The following DLGAP2 variants were observed in gnomAD, a reference collection of about 807,000 sequenced individuals.
DLGAP2 encodes disks large-associated protein 2.
Under a neutral mutation model 100.3 loss-of-function variants are expected in DLGAP2, and 26 were observed. The observed-to-expected ratio is 0.26, with a 90% CI of 0.19 to 0.36. The LOEUF is 0.36. Among genes scored for constraint, DLGAP2 ranks in the 10% least tolerant of loss-of-function variants. The pLI is 1.00. For synonymous variants in DLGAP2, 886 were observed against 630.1 expected, an observed-to-expected ratio of 1.41 and a Z score of -6.08; for missense variants, 1,858 against 1,453.2, an observed-to-expected ratio of 1.28 and a Z score of -4.53.
At chr8:1,253,273 G>T (rs1273368729) in intron 2 of DLGAP2, among the ~76,000 whole-genome samples, 2 of 152,184 alleles carry the variant, frequency 1.3e-5, no homozygotes, top group Admixed American at 6.5e-5. Context: ...GGTGGTTCCT[G>T]TGTGTGCCCT....
intron 3 of DLGAP2, among the ~76,000 whole-genome samples, chr8:1,435,565 GAC>G (rs1797594777): frequency 6.6e-6 from 1 of 152,126 alleles, no homozygotes; most frequent in Admixed American, 6.5e-5. Flanking sequence ...TGATGGTGCT[GAC>G]AGACGACCAT....
chr8:1,636,735 A>G (rs1797776013), intron 8 of DLGAP2, among the ~76,000 whole-genome samples: 1 of 152,244 alleles, frequency 6.6e-6, no homozygotes, highest in African/African-American at 2.4e-5. Context: ...TTCTGATACC[A>G]GGACCTGGTA....
chr8:1,475,764 T>G (rs1256155922), intron 3 of DLGAP2, among the ~76,000 whole-genome samples: 1 of 152,136 alleles, frequency 6.6e-6, no homozygotes, highest in Non-Finnish European at 1.5e-5. Context: ...CAGACAGAAT[T>G]ACTGTTCACC....
chr8:1,350,428 C>A (rs1437688554), intron 3 of DLGAP2, among the ~76,000 whole-genome samples: 4 of 81,578 alleles, frequency 4.9e-5, no homozygotes, highest in Admixed American at 1.3e-4. Context: ...AAAGGCCGCG[C>A]GGGTCCTGAG....
chr8:1,509,057 G>T (rs1341420133), intron 4 of DLGAP2, among the ~76,000 whole-genome samples: 4 of 152,170 alleles, frequency 2.6e-5, no homozygotes, highest in Non-Finnish European at 5.9e-5. Flanking sequence ...ACTAGGCCGG[G>T]CACGGTGGCT....
At chr8:1,058,284 G>C (rs889760319) in intron 2 of DLGAP2, among the ~76,000 whole-genome samples, 6 of 152,166 alleles carry the variant, frequency 3.9e-5, no homozygotes, top group African/African-American at 1.2e-4. Context: ...TTTACAAATA[G>C]ATAATCACTC....
At chr8:1,491,024 T>A (rs1799364052) in intron 3 of DLGAP2, among the ~76,000 whole-genome samples, 1 of 61,594 alleles carries the variant, frequency 1.6e-5, no homozygotes, top group African/African-American at 5.3e-5. Flanking sequence ...TAAAGTATAA[T>A]AATAATAAAA....
intron 2 of DLGAP2, among the ~76,000 whole-genome samples, chr8:1,046,961 G>GT (rs1246933730): frequency 2.2e-4 from 8 of 36,000 alleles, no homozygotes; most frequent in Non-Finnish European, 7.8e-4. Context: ...TAAAATAATA[G>GT]GTTTTTTTTA....
chr8:1,386,605 C>T (rs1029741860), intron 3 of DLGAP2, among the ~76,000 whole-genome samples: 2 of 152,144 alleles, frequency 1.3e-5, no homozygotes, highest in African/African-American at 2.4e-5. Flanking sequence ...GGCTCCCCTT[C>T]GCTCTCTCAG....
At chr8:788,470 T>C (rs1048692738) in intron 1 of DLGAP2, among the ~76,000 whole-genome samples, 1 of 152,330 alleles carries the variant, frequency 6.6e-6, no homozygotes, top group Non-Finnish European at 1.5e-5. Flanking sequence ...GCCTCAGCCT[T>C]TGGGGCTTCC....
chr8:1,547,853 C>G (rs1194797891), intron 4 of DLGAP2, among the ~76,000 whole-genome samples: 1 of 152,216 alleles, frequency 6.6e-6, no homozygotes, highest in East Asian at 1.9e-4. Context: ...TCCTCCCATC[C>G]TCACTGGCCT....
intron 2 of DLGAP2, among the ~76,000 whole-genome samples, chr8:1,107,979 A>T (rs150759573): frequency 2.3e-4 from 35 of 152,316 alleles, no homozygotes; most frequent in African/African-American, 8.2e-4. Flanking sequence ...GAAGCGCCTG[A>T]AGCAAATAGA....
chr8:879,190 A>T (rs1324482340), intron 1 of DLGAP2, among the ~76,000 whole-genome samples: 1 of 152,230 alleles, frequency 6.6e-6, no homozygotes, highest in East Asian at 1.9e-4. Flanking sequence ...CAGTTTATTC[A>T]CTGTGATACA....
intron 2 of DLGAP2, among the ~76,000 whole-genome samples, chr8:1,170,028 A>G (rs1414432812): frequency 6.6e-6 from 1 of 151,700 alleles, no homozygotes; most frequent in Non-Finnish European, 1.5e-5. Flanking sequence ...TTTGTCATAG[A>G]TAGCTCTTAT....
chr8:1,296,790 T>C (rs143534185), intron 3 of DLGAP2, among the ~76,000 whole-genome samples: 50 of 152,260 alleles, frequency 3.3e-4, no homozygotes, highest in African/African-American at 8.4e-4. Flanking sequence ...GATGTGCAGA[T>C]GGTGTGGTGG....
chr8:1,366,955 C>A (rs1245121513), intron 3 of DLGAP2, among the ~76,000 whole-genome samples: 1 of 151,990 alleles, frequency 6.6e-6, no homozygotes, highest in African/African-American at 2.4e-5. Flanking sequence ...TACATGGCAA[C>A]CCCTCCAACA....
intron 2 of DLGAP2, among the ~76,000 whole-genome samples, chr8:939,862 G>T (rs1259918473): frequency 6.6e-6 from 1 of 151,504 alleles, no homozygotes; most frequent in Non-Finnish European, 1.5e-5. Flanking sequence ...AGTGGGAGGT[G>T]CAGACACAGG....
chr8:1,441,201 T>C (rs1434951642), intron 3 of DLGAP2, among the ~76,000 whole-genome samples: 2 of 152,240 alleles, frequency 1.3e-5, no homozygotes, highest in African/African-American at 2.4e-5. Flanking sequence ...GTTAATCTTT[T>C]CATTAAAATG....
At chr8:1,689,280 C>G (rs138689424) in intron 12 of DLGAP2, among the ~76,000 whole-genome samples, 46 of 152,312 alleles carry the variant, frequency 3.0e-4, no homozygotes, top group African/African-American at 1.1e-3. Context: ...TGAGTCAGGC[C>G]ATGCCCGGCA....
Sources: allele counts gnomAD v4.1 joint callset (sites outside exome capture counted in the v4.1 genomes callset), GRCh38; gene constraint gnomAD v4.1.1; transcripts MANE v1.5; gene names NCBI Gene and HGNC (gene_info 2026-07-23, HGNC 2026-07-21).